The following GULP1 variants were observed in gnomAD, a reference collection of about 807,000 sequenced individuals.
GULP1 encodes the protein GULP PTB domain containing engulfment adaptor 1, also known as PTB domain-containing engulfment adapter protein 1.
A neutral mutation model predicts 40.9 loss-of-function variants in GULP1; 19 were observed. That is an observed-to-expected ratio of 0.46 (90% CI 0.32 to 0.68). The LOEUF is 0.68. Ranked by LOEUF, GULP1 falls within the 30% of genes least tolerant of loss-of-function variation. GULP1 has a pLI of 0.03. For synonymous variants in GULP1, 119 were observed against 117.6 expected (o/e 1.01, Z -0.08); for missense variants, 312 against 362.2 (o/e 0.86, Z 1.12).
chr2:188,571,415 C>T (rs943235044), intron 9 of GULP1, among the ~76,000 whole-genome samples: 1 of 152,124 alleles, frequency 6.6e-6, no homozygotes, highest in African/African-American at 2.4e-5. Flanking sequence ...TGTAAACTCA[C>T]ATTTTTCCAC....
intron 1 of GULP1, among the ~76,000 whole-genome samples, chr2:188,327,503 G>A (rs2040918775): frequency 6.6e-6 from 1 of 152,134 alleles, no homozygotes; most frequent in Non-Finnish European, 1.5e-5. Flanking sequence ...GACTGAGACT[G>A]TAGAGGCTAT....
chr2:188,375,941 A>G (rs1230017503), intron 1 of GULP1, among the ~76,000 whole-genome samples: 2 of 152,156 alleles, frequency 1.3e-5, no homozygotes, highest in Non-Finnish European at 1.5e-5. Context: ...TGCATACTCA[A>G]GTAAGGCTGC....
chr2:188,567,551 C>T (rs987647914), intron 7 of GULP1, among the ~76,000 whole-genome samples: 7 of 152,116 alleles, frequency 4.6e-5, no homozygotes, highest in Non-Finnish European at 7.4e-5. Flanking sequence ...GAAAACCAAA[C>T]ACCACATGTT....
intron 2 of GULP1, among the ~76,000 whole-genome samples, chr2:188,419,374 G>T (rs941452474): frequency 1.1e-4 from 16 of 152,062 alleles, no homozygotes; most frequent in Non-Finnish European, 2.1e-4. Flanking sequence ...GTTGCCTTTT[G>T]TCTTTTTGAT....
chr2:188,511,663 T>A (rs1166952019), intron 4 of GULP1, among the ~76,000 whole-genome samples: 2 of 152,112 alleles, frequency 1.3e-5, no homozygotes, highest in Non-Finnish European at 2.9e-5. Flanking sequence ...AGTAGACTTG[T>A]TTGGACTTAA....
chr2:188,308,957 C>T (rs2037604344), intron 1 of GULP1, among the ~76,000 whole-genome samples: 1 of 152,020 alleles, frequency 6.6e-6, no homozygotes, highest in African/African-American at 2.4e-5. Context: ...TATTAGAGTT[C>T]GTGTGTCTCT....
chr2:188,524,077 C>A (rs1331478725), intron 5 of GULP1, among the ~76,000 whole-genome samples: 1 of 152,108 alleles, frequency 6.6e-6, no homozygotes, highest in Admixed American at 6.6e-5. Flanking sequence ...TATTTAAATG[C>A]TTTTAAAATG....
intron 1 of GULP1, among the ~76,000 whole-genome samples, chr2:188,374,115 C>T (rs2047983150): frequency 6.6e-6 from 1 of 152,072 alleles, no homozygotes; most frequent in African/African-American, 2.4e-5. Flanking sequence ...ACTGAAGGCT[C>T]ATCTGAAATT....
At chr2:188,496,866 T>G (rs917952973) in intron 4 of GULP1, among the ~76,000 whole-genome samples, 12 of 151,876 alleles carry the variant, frequency 7.9e-5, no homozygotes, top group African/African-American at 2.9e-4. Context: ...CAAGATCTGG[T>G]TGTTTAAAAG....
At chr2:188,404,774 T>C (rs2052823006) in intron 2 of GULP1, among the ~76,000 whole-genome samples, 1 of 152,126 alleles carries the variant, frequency 6.6e-6, no homozygotes, top group South Asian at 2.1e-4. Flanking sequence ...AGTCTCCATC[T>C]CTAGGCTGCC....
intron 4 of GULP1, 21 bp downstream of exon 4, chr2:188,483,513 A>T (rs764406391): frequency 1.9e-6 from 2 of 1,031,450 alleles, no homozygotes; most frequent in South Asian, 1.6e-5. Context: ...TTCATTTATT[A>T]TTTAATTTTA....
At chr2:188,511,537 G>A (rs1029552003) in intron 4 of GULP1, among the ~76,000 whole-genome samples, 2 of 152,104 alleles carry the variant, frequency 1.3e-5, no homozygotes, top group Admixed American at 6.6e-5. Context: ...GGATGTTTGA[G>A]TGTGGGAGGG....
At chr2:188,578,409 C>T (rs1700589513) in intron 9 of GULP1, among the ~76,000 whole-genome samples, 1 of 151,572 alleles carries the variant, frequency 6.6e-6, no homozygotes, top group African/African-American at 2.4e-5. Flanking sequence ...AGGACAAATA[C>T]CTGATGCATA....
intron 2 of GULP1, among the ~76,000 whole-genome samples, chr2:188,395,344 G>A (rs79351707): frequency 6.6e-6 from 1 of 152,326 alleles, no homozygotes; most frequent in African/African-American, 2.4e-5. Context: ...GCACGAACCT[G>A]GCGTGCACTC....
At chr2:188,446,975 A>G (rs908115110) in intron 2 of GULP1, among the ~76,000 whole-genome samples, 2 of 152,202 alleles carry the variant, frequency 1.3e-5, no homozygotes, top group African/African-American at 4.8e-5. Flanking sequence ...AGACCCTGAG[A>G]ACATCTGTTC....
intron 1 of GULP1, among the ~76,000 whole-genome samples, chr2:188,332,805 T>C (rs1462221335): frequency 6.6e-6 from 1 of 152,122 alleles, no homozygotes; most frequent in Non-Finnish European, 1.5e-5. Flanking sequence ...AGTAATTTGA[T>C]ATGGTTAGAG....
intron 2 of GULP1, among the ~76,000 whole-genome samples, chr2:188,457,527 T>A (rs2059365343): frequency 6.6e-6 from 1 of 152,194 alleles, no homozygotes; most frequent in Non-Finnish European, 1.5e-5. Context: ...CGTGGAACTG[T>A]GAATCCAGTT....
At chr2:188,513,531 A>G (rs1423890527) in intron 4 of GULP1, among the ~76,000 whole-genome samples, 1 of 152,176 alleles carries the variant, frequency 6.6e-6, no homozygotes, top group East Asian at 1.9e-4. Flanking sequence ...TTGAAAAGAT[A>G]ATGTGCAATA....
At chr2:188,323,146 T>G (rs1238061544) in intron 1 of GULP1, among the ~76,000 whole-genome samples, 1 of 152,046 alleles carries the variant, frequency 6.6e-6, no homozygotes, top group Non-Finnish European at 1.5e-5. Context: ...CAGATCCAGC[T>G]CACATTTTGC....
Sources: gnomAD v4.1 joint callset for allele counts (sites outside exome capture counted in the v4.1 genomes callset) on GRCh38, gnomAD v4.1.1 for gene constraint, MANE v1.5 for transcripts, NCBI Gene and HGNC (gene_info 2026-07-23, HGNC 2026-07-21) for gene names.